MGAT4C: variants seen among roughly 807,000 people sequenced by gnomAD.
MGAT4C encodes alpha-1,3-mannosyl-glycoprotein 4-beta-N-acetylglucosaminyltransferase C.
A neutral mutation model predicts 40.1 loss-of-function variants in MGAT4C; 19 were observed. The ratio of observed to expected loss-of-function variants is 0.47; its 90% CI spans 0.33 to 0.70. MGAT4C has a LOEUF of 0.70. MGAT4C is among the 30% of genes least tolerant of loss of function. The pLI is 0.02. For synonymous variants in MGAT4C, 181 were observed against 187.1 expected, an observed-to-expected ratio of 0.97 and a Z score of 0.27; for missense variants, 491 against 563.2, an observed-to-expected ratio of 0.87 and a Z score of 1.30.
intron 3 of MGAT4C, among the ~76,000 whole-genome samples, chr12:86,353,081 A>C (rs893210544): frequency 2.0e-5 from 3 of 151,296 alleles, no homozygotes; most frequent in Non-Finnish European, 4.4e-5. Context: ...AAAGAAAGAG[A>C]TCCAGAATCT....
At chr12:86,104,315 C>T (rs1875728794) in intron 1 of MGAT4C, among the ~76,000 whole-genome samples, 1 of 151,522 alleles carries the variant, frequency 6.6e-6, no homozygotes, top group Non-Finnish European at 1.5e-5. Flanking sequence ...TGACTCACGC[C>T]TGTAGTCCCA....
At chr12:86,090,504 T>C (rs12322600) in intron 1 of MGAT4C, among the ~76,000 whole-genome samples, 34,733 of 151,626 alleles carry the variant, frequency 0.23, 5,671 homozygotes, top group African/African-American at 0.46. Context: ...GATATATTGG[T>C]TGAGTGTAAA....
At chr12:86,067,635 A>C (rs1323239181) in intron 1 of MGAT4C, among the ~76,000 whole-genome samples, 1 of 152,122 alleles carries the variant, frequency 6.6e-6, no homozygotes, top group African/African-American at 2.4e-5. Flanking sequence ...GCAGCAAACC[A>C]CCATGGCACT....
At chr12:86,065,003 T>C (rs181275329) in intron 1 of MGAT4C, among the ~76,000 whole-genome samples, 37 of 152,274 alleles carry the variant, frequency 2.4e-4, no homozygotes, top group Middle Eastern at 6.8e-3. Flanking sequence ...CTCCCAAGTC[T>C]ATACCAGGAA....
At chr12:86,588,513 G>C (rs1961169371) in intron 2 of MGAT4C, among the ~76,000 whole-genome samples, 1 of 151,846 alleles carries the variant, frequency 6.6e-6, no homozygotes. Context: ...AAGTTAACAA[G>C]GACACCCAGG....
intron 2 of MGAT4C, among the ~76,000 whole-genome samples, chr12:86,581,602 C>T (rs1363262400): frequency 6.6e-6 from 1 of 151,398 alleles, no homozygotes; most frequent in Non-Finnish European, 1.5e-5. Context: ...AAACAGCATA[C>T]TAACAAATTT....
intron 4 of MGAT4C, among the ~76,000 whole-genome samples, chr12:86,295,486 T>TA (rs1221270151): frequency 6.6e-6 from 1 of 152,154 alleles, no homozygotes; most frequent in Non-Finnish European, 1.5e-5. Flanking sequence ...CAGTGAGTGT[T>TA]ACAGCTCATA....
At chr12:86,427,770 C>T (rs1367337356) in intron 3 of MGAT4C, among the ~76,000 whole-genome samples, 1 of 152,106 alleles carries the variant, frequency 6.6e-6, no homozygotes, top group East Asian at 1.9e-4. Context: ...CCTGTTATCC[C>T]AGCACTCTGG....
At chr12:86,729,870 A>G (rs569710833) in intron 1 of MGAT4C, among the ~76,000 whole-genome samples, 21 of 152,220 alleles carry the variant, frequency 1.4e-4, no homozygotes, top group African/African-American at 4.6e-4. Context: ...ACAGACTTCA[A>G]TTGCTCTTGT....
rs192626119 is a variant in MGAT4C, at chr12:86,218,509, A to G, written c.-57+37730T>C. Among the ~76,000 whole-genome samples the G allele has an allele frequency of 8.5e-5, 13 of 152,296 alleles. No homozygotes were observed. The East Asian group carries it at 2.3e-3, about 27-fold the overall frequency. On this transcript the variant is annotated intron_variant, in intron 1 of 4. Transcript: ENST00000611864. The stretch of plus-strand genomic sequence containing the variant: ...TTTGATATATTAAATTATAAGAAAA[A>G]CACTGTGAAATAATAAGTAATGCTA...
intron 3 of MGAT4C, among the ~76,000 whole-genome samples, chr12:86,343,675 A>G (rs1430054977): frequency 1.3e-5 from 2 of 152,156 alleles, no homozygotes; most frequent in Non-Finnish European, 2.9e-5. Flanking sequence ...ATACAACACT[A>G]TGTATTACAC....
intron 1 of MGAT4C, among the ~76,000 whole-genome samples, chr12:86,788,871 G>C (rs1171343646): frequency 6.6e-6 from 1 of 152,036 alleles, no homozygotes. Context: ...AAGGATTCTT[G>C]GAAAGAATAA....
chr12:86,308,759 T>C (rs1954001234), intron 4 of MGAT4C, among the ~76,000 whole-genome samples: 1 of 150,654 alleles, frequency 6.6e-6, no homozygotes, highest in African/African-American at 2.5e-5. Flanking sequence ...TTATATTTAG[T>C]ATGAACCCAC....
At chr12:86,383,581 A>C (rs1260778334) in intron 3 of MGAT4C, among the ~76,000 whole-genome samples, 4 of 150,078 alleles carry the variant, frequency 2.7e-5, no homozygotes, top group Admixed American at 6.7e-5. Flanking sequence ...AAAAAACAGA[A>C]AGAAATATTT....
chr12:86,338,958 C>CAAAAAAAAAAA (rs67462771), intron 3 of MGAT4C, among the ~76,000 whole-genome samples: 2 of 66,118 alleles, frequency 3.0e-5, no homozygotes, highest in Non-Finnish European at 5.2e-5. Context: ...GACTCCATCT[C>CAAAAAAAAAAA]AAAAAAAAAA....
chr12:86,019,852 C>A (rs1042641137), intron 2 of MGAT4C, among the ~76,000 whole-genome samples: 16 of 152,124 alleles, frequency 1.1e-4, no homozygotes, highest in Non-Finnish European at 2.1e-4. Flanking sequence ...TTGTTTGTAT[C>A]CTCTTTTATT....
chr12:86,354,097 T>C (rs968523244), intron 3 of MGAT4C, among the ~76,000 whole-genome samples: 2 of 152,162 alleles, frequency 1.3e-5, no homozygotes, highest in African/African-American at 2.4e-5. Flanking sequence ...GGTGACAAAT[T>C]AGCACATGGT....
chr12:86,495,717 G>T (rs922662179), intron 2 of MGAT4C, among the ~76,000 whole-genome samples: 10 of 152,012 alleles, frequency 6.6e-5, no homozygotes, highest in African/African-American at 2.2e-4. Context: ...ACAGTTGTTT[G>T]AATAAAGAGA....
chr12:86,436,547 AT>A (rs1270890913), intron 2 of MGAT4C, among the ~76,000 whole-genome samples: 10 of 151,662 alleles, frequency 6.6e-5, no homozygotes, highest in African/African-American at 2.2e-4. Flanking sequence ...ATGTTTAATT[AT>A]TTTATTAGAA....
Sources: allele counts gnomAD v4.1 joint callset (sites outside exome capture counted in the v4.1 genomes callset), GRCh38; gene constraint gnomAD v4.1.1; transcripts MANE v1.5; gene names NCBI Gene and HGNC (gene_info 2026-07-23, HGNC 2026-07-21).